The following AMMECR1 variants were observed in gnomAD, a reference collection of about 807,000 sequenced individuals.
The protein encoded by AMMECR1 is nuclear protein AMMECR1.
Under a neutral mutation model 22.5 loss-of-function variants are expected in AMMECR1, and 3 were observed. The observed-to-expected ratio is 0.13, with a 90% CI of 0.06 to 0.35. The LOEUF is 0.35. Ranked by LOEUF, AMMECR1 falls within the 10% of genes least tolerant of loss-of-function variation. AMMECR1 has a pLI of 1.00. For missense variants in AMMECR1, 235 were observed against 278.7 expected, an observed-to-expected ratio of 0.84 and a Z score of 1.12; for synonymous variants, 130 against 116.7, an observed-to-expected ratio of 1.11 and a Z score of -0.74.
chrX:110,427,611 T>G (rs1490839246), intron 1 of AMMECR1, among the ~76,000 whole-genome samples: 1 of 111,965 alleles, frequency 8.9e-6, no homozygotes, highest in Non-Finnish European at 1.9e-5. Context: ...AATCAGTTTC[T>G]AGGGGTGGGA....
chrX:110,237,110 A>T (rs915100518), intron 2 of AMMECR1, among the ~76,000 whole-genome samples: 9 of 111,391 alleles, frequency 8.1e-5, no homozygotes, highest in Non-Finnish European at 1.1e-4. Flanking sequence ...TTTGAAACAC[A>T]TAGGGACCCA....
At chrX:110,425,278 G>T (rs1007824475) in intron 2 of AMMECR1, among the ~76,000 whole-genome samples, 2 of 112,382 alleles carry the variant, frequency 1.8e-5, no homozygotes, top group African/African-American at 6.5e-5. Flanking sequence ...TGATGGGGGT[G>T]TGGCAGGGGT....
chrX:110,217,928 A>T (rs1036199722), intron 2 of AMMECR1, among the ~76,000 whole-genome samples: 10 of 111,410 alleles, frequency 9.0e-5, no homozygotes, highest in African/African-American at 3.3e-4. Flanking sequence ...GAAAATGCTT[A>T]TAGGAAGATA....
At chrX:110,304,019 T>G (rs2067981607) in intron 1 of AMMECR1, among the ~76,000 whole-genome samples, 1 of 112,571 alleles carries the variant, frequency 8.9e-6, no homozygotes, top group Admixed American at 9.4e-5. Flanking sequence ...CTGAGAATTT[T>G]GCTTGTTTTT....
chrX:110,266,625 C>T (rs931787350), intron 1 of AMMECR1, among the ~76,000 whole-genome samples: 27 of 110,367 alleles, frequency 2.4e-4, no homozygotes, highest in African/African-American at 7.9e-4. Context: ...TCGTGATCTG[C>T]CCGCCTGAGC....
intron 2 of AMMECR1, among the ~76,000 whole-genome samples, chrX:110,244,014 G>A (rs2067646112): frequency 9.0e-6 from 1 of 111,425 alleles, no homozygotes; most frequent in African/African-American, 3.3e-5. Context: ...TGTGTCAAAT[G>A]TGCTTCTTGT....
chrX:110,260,559 AT>A lies in AMMECR1; in HGVS notation c.584+3929del, dbSNP rs964258115. On this transcript the variant is annotated intron_variant, in intron 2 of 5. Transcript: ENST00000262844. ...ATTTTATTAAAATTAAAAGTTTATA[AT>A]TTTATTTATAAATAAAAACTTAATT... Among the ~76,000 whole-genome samples, 17 of 111,222 alleles carry A rather than the reference AT, an allele frequency of 1.5e-4. 1 individual carries two copies.
chrX:110,377,865 C>T (rs1326430192), intron 2 of AMMECR1, among the ~76,000 whole-genome samples: 2 of 108,121 alleles, frequency 1.8e-5, no homozygotes, highest in African/African-American at 3.4e-5. Flanking sequence ...AAAAATTAGC[C>T]GGGCGTGGTA....
intron 3 of AMMECR1, among the ~76,000 whole-genome samples, chrX:110,214,502 G>A (rs2067463530): frequency 9.0e-6 from 1 of 111,125 alleles, no homozygotes; most frequent in South Asian, 3.8e-4. Flanking sequence ...CTAACAAACA[G>A]AAAGCTGATG....
intron 1 of AMMECR1, among the ~76,000 whole-genome samples, chrX:110,276,259 C>T (rs924478913): frequency 2.7e-5 from 3 of 112,025 alleles, no homozygotes; most frequent in African/African-American, 6.5e-5. Context: ...CACTTCTTTA[C>T]TCACTATATT....
At chrX:110,423,543 A>T (rs1569426961) in intron 2 of AMMECR1, among the ~76,000 whole-genome samples, 1 of 111,606 alleles carries the variant, frequency 9.0e-6, no homozygotes, top group Non-Finnish European at 1.9e-5. Flanking sequence ...CACTGCCATG[A>T]TCAGTTCTCA....
intron 2 of AMMECR1, among the ~76,000 whole-genome samples, chrX:110,412,879 G>A (rs1431906365): frequency 8.9e-6 from 1 of 112,314 alleles, no homozygotes; most frequent in Non-Finnish European, 1.9e-5. Context: ...ACACTGGGGA[G>A]TAGAATAGGA....
intron 2 of AMMECR1, among the ~76,000 whole-genome samples, chrX:110,373,534 C>T (rs2068354248): frequency 8.9e-6 from 1 of 111,760 alleles, no homozygotes; most frequent in Non-Finnish European, 1.9e-5. Flanking sequence ...GATAAGCTCA[C>T]ATGCAAAAAA....
At chrX:110,378,669 C>A (rs2068396300) in intron 2 of AMMECR1, among the ~76,000 whole-genome samples, 1 of 111,991 alleles carries the variant, frequency 8.9e-6, no homozygotes, top group African/African-American at 3.3e-5. Context: ...TTTCTTTCAC[C>A]TGGAATTAAC....
intron 1 of AMMECR1, among the ~76,000 whole-genome samples, chrX:110,316,895 G>A (rs1248255792): frequency 9.4e-6 from 1 of 106,835 alleles, no homozygotes; most frequent in Non-Finnish European, 1.9e-5. Flanking sequence ...TTATCCAGAC[G>A]GTGGAATGGA....
At chrX:110,272,515 CTTTAT>C (rs1338325326) in intron 1 of AMMECR1, among the ~76,000 whole-genome samples, 1 of 111,706 alleles carries the variant, frequency 9.0e-6, no homozygotes, top group African/African-American at 3.3e-5. Context: ...TTTTATTTGT[CTTTAT>C]TTTCTTTTAG....
In AMMECR1 at chrX:110,223,245, CAG is replaced by C. The variant is rs762296020; in HGVS notation, c.585-6615_585-6614del. Among the ~76,000 whole-genome samples, 10 of 112,624 alleles carry C rather than the reference CAG, an allele frequency of 8.9e-5. 1 individual carries two copies. The highest frequency in any genetic ancestry group is 2.6e-4 in the African/African-American group (8 of 31,052). ...AAATGTCTACATAATGCTTTCTCTG[CAG>C]AGTTTCTAGATTTACTCTATCTTGT... On this transcript the variant is annotated intron_variant, in intron 2 of 5. Coordinates refer to ENST00000262844, the MANE Select transcript of AMMECR1 (RefSeq NM_015365.3).
In AMMECR1 at chrX:110,366,885, C is replaced by A. The variant is rs933671432; in HGVS notation, c.-147-49036G>T. On this transcript the variant is annotated intron_variant, in intron 2 of 7. Transcript: ENST00000372057. ...CATTTCATCCATTCATTCTTGAATG[C>A]TCCTGGGTGGCTTTTTTACATCTTT... Among the ~76,000 whole-genome samples, 7 of 112,079 alleles carry A rather than the reference C, an allele frequency of 6.2e-5. No individual in the cohort carries two copies. The Admixed American group carries it at 6.6e-4, about 11-fold the overall frequency.
At chrX:110,230,502 C>T (rs1265095582) in intron 2 of AMMECR1, among the ~76,000 whole-genome samples, 1 of 111,943 alleles carries the variant, frequency 8.9e-6, no homozygotes, top group African/African-American at 3.3e-5. Flanking sequence ...AAAAGGTCAT[C>T]TACACCAAAA....
Sources: gnomAD v4.1 joint callset for allele counts (sites outside exome capture counted in the v4.1 genomes callset) on GRCh38, gnomAD v4.1.1 for gene constraint, MANE v1.5 for transcripts, NCBI Gene and HGNC (gene_info 2026-07-23, HGNC 2026-07-21) for gene names.